The following ADAMTS6 variants were observed in gnomAD, a reference collection of about 807,000 sequenced individuals.
ADAMTS6 encodes the protein ADAM metallopeptidase with thrombospondin type 1 motif 6, also known as A disintegrin and metalloproteinase with thrombospondin motifs 6.
Under a neutral mutation model 144.3 loss-of-function variants are expected in ADAMTS6, and 23 were observed. That is an observed-to-expected ratio of 0.16 (90% confidence interval 0.11 to 0.23). The LOEUF is 0.23. Ranked by LOEUF, ADAMTS6 falls within the 10% of genes least tolerant of loss-of-function variation. The probability of loss-of-function intolerance (pLI) is 1.00; values close to 1 mark genes in which losing one functional copy is unlikely to be tolerated. For missense variants in ADAMTS6, 999 were observed against 1,379.6 expected, an observed-to-expected ratio of 0.72 and a Z score of 4.37; for synonymous variants, 444 against 457.5, an observed-to-expected ratio of 0.97 and a Z score of 0.38.
chr5:65,256,352 A>G (rs1481898128), intron 14 of ADAMTS6: 2 of 152,180 alleles, frequency 1.3e-5, no homozygotes, highest in East Asian at 3.8e-4. Context: ...ATTTTTATAT[A>G]TTAGATTACA....
chr5:65,249,211 G>A lies in ADAMTS6; in HGVS notation c.1831-7005C>T, dbSNP rs1325222332. On this transcript the variant is annotated intron_variant, in intron 14 of 24. Transcript: ENST00000381055. Reference sequence around the variant, plus strand: ...GGCCATTTCCTGATGGTCCACACCTGTTGCACTAAAGTGTTAACTGAATGC... The same window carrying A: ...GGCCATTTCCTGATGGTCCACACCTATTGCACTAAAGTGTTAACTGAATGC... Among the ~76,000 whole-genome samples the A allele has an allele frequency of 3.9e-5, 6 of 152,148 alleles. No individual in the cohort carries two copies. The East Asian group carries it at 1.2e-3, about 29-fold the overall frequency.
At chr5:65,183,900 A>G (rs1754514814) in intron 22 of ADAMTS6, among the ~76,000 whole-genome samples, 1 of 152,186 alleles carries the variant, frequency 6.6e-6, no homozygotes, top group South Asian at 2.1e-4. Context: ...TTTAGATCAA[A>G]GAATAGTTAT....
chr5:65,305,737 G>A (rs989804299), intron 9 of ADAMTS6, among the ~76,000 whole-genome samples: 5 of 151,948 alleles, frequency 3.3e-5, no homozygotes, highest in Non-Finnish European at 4.4e-5. Context: ...CACGAACACA[G>A]AGACAGAGAA....
chr5:65,243,139 A>T (rs1759337809), intron 14 of ADAMTS6, among the ~76,000 whole-genome samples: 1 of 152,136 alleles, frequency 6.6e-6, no homozygotes, highest in Admixed American at 6.6e-5. Flanking sequence ...ATTGATTTTG[A>T]AAGACTGACA....
chr5:65,352,606 G>C (rs1324738119), intron 7 of ADAMTS6, among the ~76,000 whole-genome samples: 5 of 152,022 alleles, frequency 3.3e-5, no homozygotes, highest in African/African-American at 1.2e-4. Flanking sequence ...GAATAGATCA[G>C]ATGACTCTAA....
chr5:65,387,436 TA>T (rs1250116233), intron 7 of ADAMTS6, among the ~76,000 whole-genome samples: 1 of 152,210 alleles, frequency 6.6e-6, no homozygotes, highest in African/African-American at 2.4e-5. Flanking sequence ...ACACCTTATA[TA>T]TACTTATAGT....
At chr5:65,195,379 A>C (rs575846878) in intron 21 of ADAMTS6, among the ~76,000 whole-genome samples, 4 of 152,362 alleles carry the variant, frequency 2.6e-5, no homozygotes, top group Non-Finnish European at 4.4e-5. Context: ...TATGGTGATA[A>C]CATTTTGAAA....
At position 65,460,658 on chromosome 5, in the gene ADAMTS6, T is replaced by C. The variant is rs553509499; in HGVS notation, c.463-320A>G. 4.6e-5 allele frequency among the ~76,000 whole-genome samples: 7 copies of C among 152,342 alleles called. No homozygotes were observed. The South Asian group carries it at 1.5e-3, about 32-fold the overall frequency. On this transcript the variant is annotated intron_variant, in intron 3 of 24. Transcript: ENST00000381055. ...TAAAACTTATTTCAGTTCCACATTATGCACATAACTATGTCCTCTGTGTTT... is the reference window on the plus strand; with the variant it reads ...TAAAACTTATTTCAGTTCCACATTACGCACATAACTATGTCCTCTGTGTTT...
chr5:65,272,928 C>CAA (rs775273661), intron 12 of ADAMTS6, among the ~76,000 whole-genome samples: 6 of 81,214 alleles, frequency 7.4e-5, no homozygotes, highest in Non-Finnish European at 1.0e-4. Flanking sequence ...GACCCTGTCT[C>CAA]AAAAAAAAAA....
At chr5:65,432,786 A>G (rs975171864) in intron 7 of ADAMTS6, among the ~76,000 whole-genome samples, 1 of 152,106 alleles carries the variant, frequency 6.6e-6, no homozygotes, top group Non-Finnish European at 1.5e-5. Flanking sequence ...ACATTATTGC[A>G]TATCATCCTC....
rs534050685 is a variant in ADAMTS6, at chr5:65,210,510, T to C, written c.2575+4284A>G. On this transcript the variant is annotated intron_variant, in intron 20 of 24. Coordinates refer to ENST00000381055, the MANE Select transcript of ADAMTS6 (RefSeq NM_197941.4). ...AAGCGGAGTTGATTGGAGATGAATA[T>C]AATGTGGAAAGCATTGATGTTCAAC... The C allele has an allele frequency of 3.3e-5, 12 of 367,568 alleles. No homozygotes were observed. In the South Asian group the frequency reaches 3.5e-4, roughly 11 times the overall value. The allele number at this position is 367,568 out of a possible 1,614,324, so 22.8% of individuals were successfully genotyped here. A position where few individuals can be genotyped will look rare whatever the true frequency, so the allele number is the denominator to read the frequency against.
intron 9 of ADAMTS6, among the ~76,000 whole-genome samples, chr5:65,301,870 C>T (rs1743411995): frequency 6.6e-6 from 1 of 151,836 alleles, no homozygotes; most frequent in Non-Finnish European, 1.5e-5. Flanking sequence ...GGGAGGATCA[C>T]CTGAGGTCAG....
chr5:65,466,924 C>T (rs1057465625), intron 3 of ADAMTS6, among the ~76,000 whole-genome samples: 8 of 151,790 alleles, frequency 5.3e-5, no homozygotes, highest in Non-Finnish European at 1.0e-4. Flanking sequence ...AGCCTGTAGT[C>T]CCAGCTACTC....
chr5:65,328,534 TAA>T (rs58427371), intron 9 of ADAMTS6, among the ~76,000 whole-genome samples: 21 of 149,054 alleles, frequency 1.4e-4, no homozygotes, highest in African/African-American at 2.2e-4. Flanking sequence ...GCTTTCCTGC[TAA>T]AAAAAAAAAA....
intron 7 of ADAMTS6, among the ~76,000 whole-genome samples, chr5:65,441,407 AT>A (rs1283651593): frequency 1.3e-5 from 2 of 152,184 alleles, no homozygotes; most frequent in Non-Finnish European, 2.9e-5. Context: ...AAACCAAAAA[AT>A]ATATTGAGAA....
At chr5:65,319,058 C>G (rs1420242866) in intron 9 of ADAMTS6, among the ~76,000 whole-genome samples, 2 of 151,816 alleles carry the variant, frequency 1.3e-5, no homozygotes, top group African/African-American at 4.8e-5. Context: ...ACACATTCAT[C>G]AAGGTAGAAC....
chr5:65,196,971 T>G (rs1207918330), intron 21 of ADAMTS6, 51 bp downstream of exon 21: 2 of 1,584,622 alleles, frequency 1.3e-6, no homozygotes, highest in African/African-American at 2.7e-5. Context: ...TACATAATGT[T>G]TTTCTCTTTG....
chr5:65,453,001 C>T, intron 4 of ADAMTS6, 83 bp from the exon 5 acceptor site: 1 of 1,032,884 alleles, frequency 9.7e-7, no homozygotes, highest in Admixed American at 2.7e-5. Flanking sequence ...ATGCTTCTCA[C>T]AAATTCTCTA....
intron 7 of ADAMTS6, among the ~76,000 whole-genome samples, chr5:65,420,189 C>G (rs1334213278): frequency 6.6e-6 from 1 of 152,154 alleles, no homozygotes; most frequent in East Asian, 1.9e-4. Flanking sequence ...TACTCACTAT[C>G]ATGAGAACAG....
Sources: allele counts gnomAD v4.1 joint callset (sites outside exome capture counted in the v4.1 genomes callset), GRCh38; gene constraint gnomAD v4.1.1; transcripts MANE v1.5; gene names NCBI Gene and HGNC (gene_info 2026-07-23, HGNC 2026-07-21).